The following ICE2 variants were observed in gnomAD, a reference collection of about 807,000 sequenced individuals.
ICE2 encodes the protein little elongation complex subunit 2.
A neutral mutation model predicts 105.4 loss-of-function variants in ICE2; 87 were observed. That is an observed-to-expected ratio of 0.83 (90% CI 0.69 to 0.99). The LOEUF is 0.99. Ranked by LOEUF, ICE2 falls within the 50% of genes least tolerant of loss-of-function variation. The pLI is 0.00. For missense variants in ICE2, 1,323 were observed against 1,146.7 expected, an observed-to-expected ratio of 1.15 and a Z score of -2.22; for synonymous variants, 399 against 392.0, an observed-to-expected ratio of 1.02 and a Z score of -0.21.
intron 4 of ICE2, 114 bp downstream of exon 4, chr15:60,467,947 C>A: frequency 1.0e-6 from 1 of 962,216 alleles, no homozygotes; most frequent in Non-Finnish European, 1.5e-6. Context: ...AATCTCCTTA[C>A]GTTTTCCATT....
intron 6 of ICE2, 46 bp downstream of exon 6, chr15:60,456,611 T>A (rs7163427): frequency 0.57 from 582,264 of 1,021,592 alleles, 175,754 homozygotes; most frequent in East Asian, 0.84. Context: ...ACACACACAC[T>A]ATTTCAGACA....
At chr15:60,463,444 A>G (rs1002960851) in intron 5 of ICE2, among the ~76,000 whole-genome samples, 3 of 152,220 alleles carry the variant, frequency 2.0e-5, no homozygotes, top group Non-Finnish European at 4.4e-5. Context: ...GAAAGAAGGA[A>G]GGCCCAAAAG....
chr15:60,453,323 C>T, intron 9 of ICE2: 2 of 1,167,192 alleles, frequency 1.7e-6, no homozygotes, highest in Non-Finnish European at 1.1e-6. Context: ...ACATACATAA[C>T]TAAAAACGTG....
chr15:60,422,133 C>T lies in ICE2; in HGVS notation c.*1501G>A, dbSNP rs1048642106. 6.6e-6 allele frequency: 1 copy of T among 151,414 alleles called. No homozygotes were observed. The allele number at this position is 151,414 out of a possible 1,614,324, so 9.4% of individuals were successfully genotyped here. A position where few individuals can be genotyped will look rare whatever the true frequency, so the allele number is the denominator to read the frequency against. ...GGTTCTAAAGATTAAACAAGCCTGT[C>T]CTGTTTTTTTTTTTCTTTGAGACAG... On this transcript the variant is annotated 3_prime_UTR_variant, in exon 16 of 16. Coordinates refer to ENST00000261520, the MANE Select transcript of ICE2 (RefSeq NM_024611.6).
chr15:60,426,566 C>T (rs1051664891), intron 15 of ICE2, among the ~76,000 whole-genome samples: 3 of 152,148 alleles, frequency 2.0e-5, no homozygotes, highest in African/African-American at 7.2e-5. Flanking sequence ...ACATTCTAGA[C>T]ATTATTTAAA....
intron 9 of ICE2, among the ~76,000 whole-genome samples, chr15:60,450,377 T>A (rs2063937277): frequency 6.6e-6 from 1 of 152,142 alleles, no homozygotes; most frequent in South Asian, 2.1e-4. Context: ...CTCTTAGCAA[T>A]AAAAGATGGG....
intron 11 of ICE2, among the ~76,000 whole-genome samples, chr15:60,443,945 A>C: frequency 6.6e-6 from 1 of 152,018 alleles, no homozygotes; most frequent in East Asian, 1.9e-4. Flanking sequence ...AATTAAAAAA[A>C]AAAAAAATTA....
At chr15:60,438,302 A>G (rs2063641729) in intron 12 of ICE2, 1 of 152,204 alleles carries the variant, frequency 6.6e-6, no homozygotes, top group Non-Finnish European at 1.5e-5. Context: ...AATTACCTGG[A>G]AAGCTGATGT....
intron 3 of ICE2, among the ~76,000 whole-genome samples, chr15:60,470,839 A>T (rs1469640332): frequency 6.6e-6 from 1 of 152,130 alleles, no homozygotes; most frequent in African/African-American, 2.4e-5. Context: ...TATTGTTTTT[A>T]AAAATTATAT....
chr15:60,456,964 C>T (rs190694819), intron 5 of ICE2, among the ~76,000 whole-genome samples, 170 bp from the exon 6 acceptor site: 194 of 152,054 alleles, frequency 1.3e-3, no homozygotes, highest in Middle Eastern at 6.8e-3. Context: ...ATTTTTAACC[C>T]AGTTACTTAC....
intron 5 of ICE2, among the ~76,000 whole-genome samples, chr15:60,460,778 T>C (rs1460201501): frequency 6.6e-6 from 1 of 152,156 alleles, no homozygotes; most frequent in East Asian, 1.9e-4. Flanking sequence ...AAAATGACTA[T>C]GCTAGAACAA....
intron 9 of ICE2, chr15:60,451,029 G>T: frequency 3.1e-6 from 1 of 319,964 alleles, no homozygotes; most frequent in Non-Finnish European, 4.5e-6. Flanking sequence ...AGAATTCAAA[G>T]CAAGAAGCGT....
chr15:60,478,945 C>T, intron 1 of ICE2, 58 bp downstream of exon 1: 3 of 455,708 alleles, frequency 6.6e-6, no homozygotes, highest in South Asian at 1.6e-5. Context: ...AGCACGCCCG[C>T]TGGCCCGGCA....
At position 60,453,803 on chromosome 15, in the gene ICE2, GA is replaced by G; in HGVS notation, c.944-20del. 6.6e-7 allele frequency: 1 copy of G among 1,521,392 alleles called. No individual in the cohort carries two copies. The highest frequency in any genetic ancestry group is 9.1e-7 in the Non-Finnish European group (1 of 1,102,182). 94.2% of individuals were successfully genotyped at this position (1,521,392 alleles called of 1,614,324 possible). A position where few individuals can be genotyped will look rare whatever the true frequency, so the allele number is the denominator to read the frequency against. The stretch of plus-strand genomic sequence containing the variant: ...TTTGAACCTTAAAACAGAAACCAAA[GA>G]AAAGAGGTGATTAGTATCTAATTGT... On this transcript the variant is annotated intron_variant, in intron 8 of 15. Transcript: ENST00000261520.
At position 60,449,271 on chromosome 15, in the gene ICE2, T is replaced by C; in HGVS notation, c.1696A>G (p.Thr566Ala). 1 of 1,613,426 alleles carries C rather than the reference T, an allele frequency of 6.2e-7. No individual in the cohort carries two copies. Among genetic ancestry groups the C allele is most frequent in the South Asian group, 1.1e-5 (1 of 91,054 alleles). The part of the protein sequence containing the change: ...VGSEAAKTED[T>A]VLCSSDTDEE... ...TCTGTATCACTGCTGCAGAGAACTGTATCTTCAGTTTTTGCTGCTTCTGAT... is the reference window on the plus strand; with the variant it reads ...TCTGTATCACTGCTGCAGAGAACTGCATCTTCAGTTTTTGCTGCTTCTGAT... The change falls in exon 10 of 16, where the codon ACA (threonine) becomes GCA (alanine). Residue 566 changes from threonine (T) to alanine (A), a missense_variant. Transcript: ENST00000261520.
chr15:60,466,157 A>C (rs2064421609), intron 5 of ICE2, among the ~76,000 whole-genome samples: 1 of 152,196 alleles, frequency 6.6e-6, no homozygotes, highest in Non-Finnish European at 1.5e-5. Flanking sequence ...TGAATGAGTG[A>C]AGTATCCAAA....
intron 14 of ICE2, among the ~76,000 whole-genome samples, chr15:60,430,895 G>C (rs1566969364): frequency 6.6e-6 from 1 of 151,758 alleles, no homozygotes; most frequent in Non-Finnish European, 1.5e-5. Context: ...TTTTTTTCTA[G>C]AGGAAGTCTC....
At chr15:60,454,612 T>TA (rs1288618708) in intron 8 of ICE2, 6 of 157,338 alleles carry the variant, frequency 3.8e-5, no homozygotes, top group Admixed American at 3.2e-4. Flanking sequence ...ACATCCTCCT[T>TA]AAATCAGTAC....
chr15:60,423,788 T>A, intron 15 of ICE2, 26 bp from the exon 16 acceptor site: 6 of 1,545,758 alleles, frequency 3.9e-6, no homozygotes, highest in Non-Finnish European at 5.2e-6. Context: ...GAGAACAGAA[T>A]AGCTTAATGT....
Sources: allele counts gnomAD v4.1 joint callset (sites outside exome capture counted in the v4.1 genomes callset), GRCh38; gene constraint gnomAD v4.1.1; transcripts MANE v1.5; gene names NCBI Gene and HGNC (gene_info 2026-07-23, HGNC 2026-07-21).